Variants in PCDHA8 observed in about 807,000 individuals in gnomAD.
The protein encoded by PCDHA8 is protocadherin alpha 8.
PCDHA8 carries 53 observed loss-of-function variants against 61.8 expected under a neutral mutation model. That is an observed-to-expected ratio of 0.86 (90% CI 0.69 to 1.08). PCDHA8 has a LOEUF of 1.08. PCDHA8 is among the 50% of genes least tolerant of loss of function. PCDHA8 has a pLI of 0.00. For missense variants in PCDHA8, 1,293 were observed against 1,245.0 expected, an observed-to-expected ratio of 1.04 and a Z score of -0.58; for synonymous variants, 618 against 556.6, an observed-to-expected ratio of 1.11 and a Z score of -1.55.
In PCDHA8 at chr5:140,856,541, G is replaced by A. The variant is rs1554148841; in HGVS notation, c.2394+12826G>A. The A allele has an allele frequency of 2.5e-6, 4 of 1,598,164 alleles. 1 individual carries two copies. The highest frequency in any genetic ancestry group is 3.4e-6 in the Non-Finnish European group (4 of 1,167,670). On this transcript the variant is annotated intron_variant, in intron 1 of 3. Transcript: ENST00000531613. ...ATCTGATGCGGATGTTGGAGAGAACGCATTGCTTACTTACAAACTCAGTCC... is the reference window on the plus strand; with the variant it reads ...ATCTGATGCGGATGTTGGAGAGAACACATTGCTTACTTACAAACTCAGTCC...
chr5:140,997,156 C>G (rs1266627646), intron 3 of PCDHA8, among the ~76,000 whole-genome samples: 1 of 152,106 alleles, frequency 6.6e-6, no homozygotes, highest in Non-Finnish European at 1.5e-5. Flanking sequence ...CAGTGACATC[C>G]TGCCCAGAGT....
intron 1 of PCDHA8, chr5:140,884,367 T>G (rs2060126363): frequency 1.2e-6 from 2 of 1,613,928 alleles, no homozygotes; most frequent in Middle Eastern, 3.3e-4. Context: ...AATGTTTACT[T>G]GATCATTGCC....
chr5:140,998,005 C>G (rs539275150), intron 3 of PCDHA8, among the ~76,000 whole-genome samples: 1 of 152,164 alleles, frequency 6.6e-6, no homozygotes, highest in South Asian at 2.1e-4. Flanking sequence ...TCTGAGCCTT[C>G]CATCCCCACC....
At chr5:140,870,097 C>T in intron 1 of PCDHA8, 1 of 1,613,888 alleles carries the variant, frequency 6.2e-7, no homozygotes, top group African/African-American at 1.3e-5. Context: ...AATGGCAGGT[C>T]ACTGTACAGT....
intron 1 of PCDHA8, chr5:140,851,704 T>C (rs1454502056): frequency 2.1e-6 from 2 of 950,842 alleles, no homozygotes; most frequent in African/African-American, 1.8e-5. Context: ...TGATCAGCCA[T>C]GTGAAGATTC....
chr5:140,978,791 A>T (rs1443899144), intron 1 of PCDHA8, 158 bp from the exon 2 acceptor site: 1 of 976,042 alleles, frequency 1.0e-6, no homozygotes, highest in South Asian at 4.7e-5. Flanking sequence ...AAAGTGCTAT[A>T]TATGTAGATA....
chr5:140,904,912 T>C (rs2071465626), intron 1 of PCDHA8, among the ~76,000 whole-genome samples: 1 of 152,236 alleles, frequency 6.6e-6, no homozygotes, highest in Non-Finnish European at 1.5e-5. Flanking sequence ...TACTGATTTG[T>C]TTGACTTCCT....
chr5:140,858,449 G>C, intron 1 of PCDHA8: 1 of 1,532,030 alleles, frequency 6.5e-7, no homozygotes, highest in East Asian at 2.4e-5. Context: ...GGGTTATTAC[G>C]TTTTCATTTT....
Position 140,993,509 on chromosome 5 carries a change from CGGGGAGAGAG to C in PCDHA8, c.2542+10947_2542+10956del, listed in dbSNP as rs2097568307. Among the ~76,000 whole-genome samples, 3 of 143,488 alleles carry C rather than the reference CGGGGAGAGAG, an allele frequency of 2.1e-5. No homozygotes were observed. In the Admixed American group the frequency reaches 2.1e-4, roughly 10 times the overall value. 94.1% of individuals were successfully genotyped at this position (143,488 alleles called of 152,430 possible). A position where few individuals can be genotyped will look rare whatever the true frequency, so the allele number is the denominator to read the frequency against. On this transcript the variant is annotated intron_variant, in intron 3 of 3. Coordinates refer to ENST00000531613, the MANE Select transcript of PCDHA8 (RefSeq NM_018911.3). Reference sequence around the variant, plus strand: ...ACACACACACACACACACACACACACGGGGAGAGAGAGACAGAGAGAGAGAGAGATAGAGA... The same window carrying C: ...ACACACACACACACACACACACACACAGACAGAGAGAGAGAGAGATAGAGA...
intron 1 of PCDHA8, among the ~76,000 whole-genome samples, chr5:140,939,231 G>A (rs1305244022): frequency 6.6e-6 from 1 of 152,134 alleles, no homozygotes; most frequent in East Asian, 1.9e-4. Context: ...TCACCTTCTG[G>A]AAGGAGCAAG....
chr5:140,870,707 G>A, intron 1 of PCDHA8: 1 of 1,613,076 alleles, frequency 6.2e-7, no homozygotes, highest in Non-Finnish European at 8.5e-7. Context: ...TTCCAGGTGA[G>A]CGCGCGCGAT....
At chr5:140,863,631 G>A (rs2048100597) in intron 1 of PCDHA8, 1 of 306,834 alleles carries the variant, frequency 3.3e-6, no homozygotes, top group Non-Finnish European at 6.4e-6. Flanking sequence ...CATTGATAAT[G>A]TTCACCAAGT....
At chr5:140,983,473 ATAG>A (rs746174585) in intron 3 of PCDHA8, among the ~76,000 whole-genome samples, 7 of 152,242 alleles carry the variant, frequency 4.6e-5, no homozygotes, top group Admixed American at 6.5e-5. Flanking sequence ...CATGATGATA[ATAG>A]TAGTTACTAA....
At chr5:140,943,726 A>G (rs181662166) in intron 1 of PCDHA8, among the ~76,000 whole-genome samples, 8 of 152,372 alleles carry the variant, frequency 5.3e-5, no homozygotes, top group Middle Eastern at 3.4e-3. Flanking sequence ...GTCTGAGAGA[A>G]TGAAAGTCCA....
chr5:140,934,528 G>T (rs782284913), intron 1 of PCDHA8, among the ~76,000 whole-genome samples: 26 of 152,112 alleles, frequency 1.7e-4, no homozygotes, highest in Non-Finnish European at 2.2e-4. Flanking sequence ...CACTTCGAGA[G>T]CTACCGTTCT....
At chr5:140,920,842 A>G (rs1377558160) in intron 1 of PCDHA8, among the ~76,000 whole-genome samples, 1 of 127,576 alleles carries the variant, frequency 7.8e-6, no homozygotes, top group Non-Finnish European at 1.7e-5. Flanking sequence ...GACCAAATCT[A>G]AAAAAAAAAA....
intron 1 of PCDHA8, chr5:140,847,362 C>T (rs1444226307): frequency 6.7e-6 from 1 of 149,420 alleles, no homozygotes; most frequent in Non-Finnish European, 1.5e-5. Context: ...AGTAGAAATA[C>T]GAAATAAAAG....
intron 1 of PCDHA8, chr5:140,858,182 A>T: frequency 6.3e-7 from 1 of 1,597,504 alleles, no homozygotes. Flanking sequence ...GCTGGTGCTC[A>T]CGCTGCTGCT....
In PCDHA8 at chr5:140,985,961, A is replaced by G. The variant is rs529433053; in HGVS notation, c.2542+3398A>G. ...TCACTGTGTTAGCCAGGATGGTCTCAATCTCCTGACCTCGTGATCCGCCCA... is the reference window on the plus strand; with the variant it reads ...TCACTGTGTTAGCCAGGATGGTCTCGATCTCCTGACCTCGTGATCCGCCCA... On this transcript the variant is annotated intron_variant, in intron 3 of 3. Transcript: ENST00000531613. 9.3e-3 allele frequency among the ~76,000 whole-genome samples: 1,411 copies of G among 151,982 alleles called. 12 individuals carry two copies. Among genetic ancestry groups the G allele is most frequent in the Non-Finnish European group, 0.015 (1,024 of 67,944 alleles).
Sources: gnomAD v4.1 joint callset for allele counts (sites outside exome capture counted in the v4.1 genomes callset) on GRCh38, gnomAD v4.1.1 for gene constraint, MANE v1.5 for transcripts, NCBI Gene and HGNC (gene_info 2026-07-23, HGNC 2026-07-21) for gene names.